DNAJC21: variants seen among roughly 807,000 people sequenced by gnomAD.
The protein encoded by DNAJC21 is DnaJ heat shock protein family (Hsp40) member C21, also known as dnaJ homolog subfamily C member 21.
DNAJC21 carries 63 observed loss-of-function variants against 72.4 expected under a neutral mutation model. The ratio of observed to expected loss-of-function variants is 0.87; its 90% CI spans 0.71 to 1.07. The LOEUF (loss-of-function observed/expected upper bound fraction) is 1.07, where lower values mean the gene tolerates loss of function less well. DNAJC21 is among the 50% of genes least tolerant of loss of function. DNAJC21 has a pLI of 0.00. For synonymous variants in DNAJC21, 203 were observed against 216.7 expected (o/e 0.94, Z 0.56); for missense variants, 634 against 644.8 (o/e 0.98, Z 0.18).
In DNAJC21 at chr5:34,955,394, A is replaced by T. The variant is rs1258357782; in HGVS notation, c.*680A>T. On this transcript the variant is annotated 3_prime_UTR_variant, in exon 12 of 12. Transcript: ENST00000648817. ...TGAATTGTGGAGGTGGAAGCAAATT[A>T]GTTTACATGGCATGTCCTCCCTAGG... is the stretch of plus-strand genomic sequence containing the variant. The T allele has an allele frequency of 6.6e-6, 1 of 152,246 alleles. No homozygotes were observed. Among genetic ancestry groups the T allele is most frequent in the African/African-American group, 2.4e-5 (1 of 41,458 alleles). The allele number at this position is 152,246 out of a possible 1,614,324, so 9.4% of individuals were successfully genotyped here.
rs1286341184 is a variant in DNAJC21, at chr5:34,954,638, C to T, written c.1520C>T (p.Ala507Val). The change falls in exon 12 of 12, where the codon GCA becomes GTA. Residue 507 changes from alanine (A) to valine (V), a missense_variant. By Grantham distance (64) the Ala-to-Val change is moderately conservative (BLOSUM62 0). Transcript: ENST00000648817. ...GACCATCTAAAGGCCACAGGTCATG[C>T]AAGAGCACCTTCATCATCGTCTTTA... Reference protein sequence around the residue: ...LFDHLKATGHARAPSSSSLNS... With the variant: ...LFDHLKATGHVRAPSSSSLNS... The T allele has an allele frequency of 6.2e-7, 1 of 1,613,754 alleles. No homozygotes were observed. Among genetic ancestry groups the T allele is most frequent in the Admixed American group, 1.7e-5 (1 of 59,918 alleles).
At chr5:34,952,377 T>C in intron 10 of DNAJC21, 1 of 487,616 alleles carries the variant, frequency 2.1e-6, no homozygotes, top group Non-Finnish European at 2.7e-6. Context: ...CACAATATGT[T>C]ACACTCCTAA....
Position 34,938,999 on chromosome 5 carries a change from T to G in DNAJC21, c.885T>G (p.Asp295Glu). The G allele has an allele frequency of 1.2e-6, 2 of 1,601,956 alleles. No individual in the cohort carries two copies. The highest frequency in any genetic ancestry group is 1.7e-6 in the Non-Finnish European group (2 of 1,174,238). ...ENEMEEHELK[D>E]EEDGKDSDEA... Reference sequence around the variant, plus strand: ...AAATGGAAGAACATGAACTCAAAGATGAGGAGGATGGTAATATTATTTTTA... The same window carrying G: ...AAATGGAAGAACATGAACTCAAAGAGGAGGAGGATGGTAATATTATTTTTA... The change falls in exon 6 of 12, where the codon GAT becomes GAG. Residue 295 changes from aspartate to glutamate, a missense_variant. By Grantham distance (45) the Asp-to-Glu change is conservative (BLOSUM62 2). Coordinates refer to ENST00000648817, the MANE Select transcript of DNAJC21 (RefSeq NM_001012339.3).
At chr5:34,954,447 A>G (rs748214062) in intron 11 of DNAJC21, 106 bp from the exon 12 acceptor site, 10 of 1,362,900 alleles carry the variant, frequency 7.3e-6, no homozygotes, top group Non-Finnish European at 9.9e-6. Context: ...CTGTTAAAAC[A>G]TCTTTATTTT....
intron 10 of DNAJC21, chr5:34,953,690 C>T (rs1398515688): frequency 2.5e-6 from 1 of 395,556 alleles, no homozygotes; most frequent in African/African-American, 2.1e-5. Context: ...TTTGTTTCAA[C>T]TGTTTTAAGG....
chr5:34,949,759 T>C, intron 9 of DNAJC21: 2 of 1,580,178 alleles, frequency 1.3e-6, no homozygotes, highest in Non-Finnish European at 1.7e-6. Flanking sequence ...TGTAGAAGAA[T>C]AGTTGCTCAT....
At chr5:34,937,702 T>C in intron 5 of DNAJC21, 72 bp downstream of exon 5, 4 of 1,513,430 alleles carry the variant, frequency 2.6e-6, no homozygotes, top group East Asian at 2.3e-5. Context: ...GTACCTTACA[T>C]GTTCATGTTG....
At chr5:34,952,416 T>A in intron 10 of DNAJC21, 2 of 235,726 alleles carry the variant, frequency 8.5e-6, no homozygotes, top group Non-Finnish European at 1.4e-5. Context: ...ATAGGCCGTT[T>A]AACTTAGCAC....
Position 34,944,907 on chromosome 5 carries a change from G to A in DNAJC21, c.1024G>A (p.Val342Met), listed in dbSNP as rs144600070. Residue 342 changes from valine (V) to methionine (M), a missense_variant, in exon 8 of 12, where the codon GTG (valine) becomes ATG (methionine). Val to Met is a conservative substitution (Grantham distance 21, BLOSUM62 1). Coordinates refer to ENST00000648817, the MANE Select transcript of DNAJC21 (RefSeq NM_001012339.3). ...GAAGTCAAAGAAGCATCGGGAAATG[G>A]TGGCCTTGCTAAAACAACAGCTGGA... is the stretch of plus-strand genomic sequence containing the variant. ...HEKSKKHREM[V>M]ALLKQQLEEE... The A allele has an allele frequency of 4.6e-3, 7,369 of 1,614,126 alleles. 24 individuals are homozygous for A. The highest frequency in any genetic ancestry group is 5.5e-3 in the Non-Finnish European group (6,539 of 1,180,020).
At chr5:34,937,680 G>A in intron 5 of DNAJC21, 50 bp downstream of exon 5, 1 of 1,558,466 alleles carries the variant, frequency 6.4e-7, no homozygotes, top group South Asian at 1.2e-5. Context: ...GGGGTCAGAG[G>A]CAGCACCAGA....
chr5:34,937,631 G>A lies in DNAJC21; in HGVS notation c.743+1G>A, dbSNP rs376653237. On this transcript the variant is annotated splice_donor_variant, in intron 5 of 11. Transcript: ENST00000648817. LOFTEE classifies it high-confidence loss of function. ...GGCAGCAGAAGCTAAAGCAGGCCAA[G>A]TGCGTAGCGTGCGTGGGGCCCTCTT... 6.2e-7 allele frequency: 1 copy of A among 1,607,616 alleles called. No individual in the cohort carries two copies. Among genetic ancestry groups the A allele is most frequent in the African/African-American group, 1.3e-5 (1 of 74,572 alleles).
rs573112918 is a variant in DNAJC21, at chr5:34,930,024, G to A, written c.97+108G>A. 105 of 860,916 alleles carry A rather than the reference G, an allele frequency of 1.2e-4. No individual in the cohort carries two copies. The South Asian group carries it at 2.4e-3, about 20-fold the overall frequency. 53.3% of individuals were successfully genotyped at this position (860,916 alleles called of 1,614,324 possible). On this transcript the variant is annotated intron_variant, in intron 1 of 11. Coordinates refer to ENST00000648817, the MANE Select transcript of DNAJC21 (RefSeq NM_001012339.3). ...CGGAGCCAGCAGAGAGGGACCTGGC[G>A]GCCTAGGAGCTCCTTGCCCCGCCCG... is the stretch of plus-strand genomic sequence containing the variant.
chr5:34,950,523 G>A (rs947309072), intron 10 of DNAJC21, 181 bp downstream of exon 10: 2 of 1,252,842 alleles, frequency 1.6e-6, no homozygotes, highest in Non-Finnish European at 1.0e-6. Flanking sequence ...TTGAGAAGAG[G>A]ATGCTAGAGG....
intron 8 of DNAJC21, 103 bp downstream of exon 8, chr5:34,945,128 G>T: frequency 1.4e-6 from 2 of 1,403,310 alleles, no homozygotes; most frequent in Admixed American, 2.1e-5. Context: ...CCCAGGCTGG[G>T]GTGCAGTGGC....
At chr5:34,950,597 C>T in intron 10 of DNAJC21, 4 of 1,100,246 alleles carry the variant, frequency 3.6e-6, no homozygotes, top group Non-Finnish European at 4.4e-6. Context: ...TGATCCAGTT[C>T]TTGTTTACCT....
At chr5:34,944,221 G>A (rs1765094782) in intron 7 of DNAJC21, among the ~76,000 whole-genome samples, 1 of 152,222 alleles carries the variant, frequency 6.6e-6, no homozygotes. Context: ...GGATAGAGAT[G>A]TGTCTGAATG....
At position 34,937,352 on chromosome 5, in the gene DNAJC21, G is replaced by T. The variant is rs373512386; in HGVS notation, c.465G>T (p.Trp155Cys). 3 of 1,612,864 alleles carry T rather than the reference G, an allele frequency of 1.9e-6. No individual in the cohort carries two copies. The highest frequency in any genetic ancestry group is 2.5e-6 in the Non-Finnish European group (3 of 1,179,578). Residue 155 changes from tryptophan (W) to cysteine (C), a missense_variant, in exon 5 of 12, where the codon TGG (tryptophan) becomes TGT (cysteine). Coordinates refer to ENST00000648817, the MANE Select transcript of DNAJC21 (RefSeq NM_001012339.3). ...DTVVHPFYAY[W>C]QSFCTQKNFA... is the part of the protein sequence containing the mutation. ...TAGTCCATCCTTTCTACGCTTATTGGCAGAGTTTCTGCACTCAAAAGAATT... is the reference window on the plus strand; with the variant it reads ...TAGTCCATCCTTTCTACGCTTATTGTCAGAGTTTCTGCACTCAAAAGAATT...
At chr5:34,936,095 G>T in intron 3 of DNAJC21, 49 bp from the exon 4 acceptor site, 1 of 1,566,976 alleles carries the variant, frequency 6.4e-7, no homozygotes, top group Non-Finnish European at 8.6e-7. Context: ...CTTTTTCTGT[G>T]ATCAGGCTGC....
At chr5:34,947,632 GTGTAGACATGCAGTTTTCACCA>G (rs1221528541) in intron 9 of DNAJC21, among the ~76,000 whole-genome samples, 1 of 147,098 alleles carries the variant, frequency 6.8e-6, no homozygotes, top group African/African-American at 2.5e-5. Flanking sequence ...AGCTTTATCA[GTGTAGACATGCAGTTTTCACCA>G]TGTTTTTTTT....
Sources: allele counts gnomAD v4.1 joint callset (sites outside exome capture counted in the v4.1 genomes callset), GRCh38; gene constraint gnomAD v4.1.1; transcripts MANE v1.5; gene names NCBI Gene and HGNC (gene_info 2026-07-23, HGNC 2026-07-21).